Variants in CCND2 observed in about 807,000 individuals in gnomAD.
CCND2 encodes the protein cyclin D2.
Under a neutral mutation model 30.2 loss-of-function variants are expected in CCND2, and 6 were observed. The observed-to-expected ratio is 0.20, with a 90% CI of 0.11 to 0.39. CCND2 has a LOEUF of 0.39. Among genes scored for constraint, CCND2 ranks in the 10% least tolerant of loss-of-function variants. The pLI is 1.00. For missense variants in CCND2, 235 were observed against 373.4 expected, an observed-to-expected ratio of 0.63 and a Z score of 3.06; for synonymous variants, 150 against 153.1, an observed-to-expected ratio of 0.98 and a Z score of 0.15.
At chr12:4,279,548 A>G (rs373965197) in intron 3 of CCND2, among the ~76,000 whole-genome samples, 55 of 152,102 alleles carry the variant, frequency 3.6e-4, no homozygotes, top group African/African-American at 1.3e-3. Context: ...GTTCATGTGG[A>G]GGTGTTTTGA....
intron 4 of CCND2, among the ~76,000 whole-genome samples, chr12:4,289,831 G>A (rs1373548604): frequency 6.6e-6 from 1 of 152,180 alleles, no homozygotes; most frequent in Non-Finnish European, 1.5e-5. Context: ...GGAGCGGGGT[G>A]GGCAGTGGCT....
At chr12:4,296,968 T>C (rs1192525768) in intron 4 of CCND2, among the ~76,000 whole-genome samples, 2 of 152,184 alleles carry the variant, frequency 1.3e-5, no homozygotes, top group Admixed American at 6.5e-5. Context: ...CTCCTGCCCA[T>C]GTACCGTGGA....
intron 3 of CCND2, among the ~76,000 whole-genome samples, chr12:4,280,265 TC>T (rs1255835835): frequency 7.2e-5 from 11 of 152,286 alleles, no homozygotes; most frequent in African/African-American, 2.7e-4. Flanking sequence ...TTTTAACTGT[TC>T]CGACTAAAGT....
rs371529512 is a variant in CCND2 at position 4,278,939 on chromosome 12, G to C, written c.571+20G>C. The C allele has an allele frequency of 6.3e-7, 1 of 1,593,816 alleles. No individual in the cohort carries two copies. The highest frequency in any genetic ancestry group is 8.6e-7 in the Non-Finnish European group (1 of 1,165,822). Reference sequence around the variant, plus strand: ...CCACCGGTAAGATGAGGCTTGAGCCGGGGAGGGAGATGGGGGAGCTCTTTT... The same window carrying C: ...CCACCGGTAAGATGAGGCTTGAGCCCGGGAGGGAGATGGGGGAGCTCTTTT... On this transcript the variant is annotated intron_variant, in intron 3 of 4. Coordinates refer to ENST00000261254, the MANE Select transcript of CCND2 (RefSeq NM_001759.4).
In CCND2 at chr12:4,276,124, C is replaced by T. The variant is rs771743347; in HGVS notation, c.315C>T (p.Cys105=). The change falls in exon 2 of 5, where the codon TGC becomes TGT. Residue 105 remains cysteine, a synonymous_variant. Transcript: ENST00000261254. This position sits in a 1 kb window ranked among gnomAD's most constrained non-coding sequence, Gnocchi z 4.8. ...ATCTGCAACTCCTGGGTGCTGTCTGCATGTTCCTGGCCTCCAAACTCAAAG... is the reference window on the plus strand; with the variant it reads ...ATCTGCAACTCCTGGGTGCTGTCTGTATGTTCCTGGCCTCCAAACTCAAAG... The part of the protein sequence containing the change: ...KSHLQLLGAV[C]MFLASKLKET... 6 of 1,614,068 alleles carry T rather than the reference C, an allele frequency of 3.7e-6. No individual in the cohort carries two copies. The African/African-American group carries it at 6.7e-5, about 18-fold the overall frequency.
At position 4,273,791 on chromosome 12, in the gene CCND2, G is replaced by A. The variant is rs956074804; in HGVS notation, c.-250G>A. ...CGGAGAAGAGCGAGCAGGGGAGAGCGAGACCAGTTTTAAGGGGAGGACCGG... is the reference window on the plus strand; with the variant it reads ...CGGAGAAGAGCGAGCAGGGGAGAGCAAGACCAGTTTTAAGGGGAGGACCGG... On this transcript the variant is annotated 5_prime_UTR_variant, in exon 1 of 5. Transcript: ENST00000261254. The surrounding 1 kb of genome is among the most constrained non-coding windows in gnomAD (Gnocchi z 5.9). 3.0e-5 allele frequency: 17 copies of A among 560,284 alleles called. 1 individual carries two copies. The Middle Eastern group carries it at 1.4e-3, about 47-fold the overall frequency. 34.7% of individuals were successfully genotyped at this position (560,284 alleles called of 1,614,324 possible). A position where few individuals can be genotyped will look rare whatever the true frequency, so the allele number is the denominator to read the frequency against.
At chr12:4,275,659 C>T (rs1041587653) in intron 1 of CCND2, among the ~76,000 whole-genome samples, 36 of 151,532 alleles carry the variant, frequency 2.4e-4, no homozygotes, top group African/African-American at 8.5e-4. Context: ...TGACGAAATC[C>T]AAAAAAGAGT....
Position 4,276,905 on chromosome 12 carries a change from G to C in CCND2, c.411+685G>C. On this transcript the variant is annotated intron_variant, in intron 2 of 4. Coordinates refer to ENST00000261254, the MANE Select transcript of CCND2 (RefSeq NM_001759.4). The surrounding 1 kb of genome is among the most constrained non-coding windows in gnomAD (Gnocchi z 4.8). ...TTCCCTGCAGCTTGACATATAAGAC[G>C]ACCATATTGCAGCTGTACCGCATGG... Among the ~76,000 whole-genome samples the C allele has an allele frequency of 6.6e-6, 1 of 152,248 alleles. No individual in the cohort carries two copies.
At chr12:4,277,480 G>C (rs1863890462) in intron 2 of CCND2, among the ~76,000 whole-genome samples, 1 of 152,240 alleles carries the variant, frequency 6.6e-6, no homozygotes, top group Admixed American at 6.5e-5. Context: ...TTTTTCTCAT[G>C]AGAGAGCAGG....
chr12:4,281,057 C>T (rs1863941468), intron 3 of CCND2, among the ~76,000 whole-genome samples: 1 of 152,154 alleles, frequency 6.6e-6, no homozygotes. Context: ...GATACAGAGG[C>T]AGTTATAAAG....
intron 4 of CCND2, among the ~76,000 whole-genome samples, chr12:4,291,630 T>TAAA (rs1321348030): frequency 5.9e-5 from 9 of 151,964 alleles, no homozygotes; most frequent in Non-Finnish European, 1.3e-4. Context: ...CTAAATGCAG[T>TAAA]AGGAAATCAA....
In CCND2 at chr12:4,304,944, C is replaced by CCT. The variant is rs1555089716; in HGVS notation, c.*4943_*4944dup. ...ATGTACCTCAGATCTCTCTCTCTCT[C>CCT]CTCTCTCTCAGTTATGTAGTTTCTT... On this transcript the variant is annotated 3_prime_UTR_variant, in exon 5 of 5. Coordinates refer to ENST00000261254, the MANE Select transcript of CCND2 (RefSeq NM_001759.4). This position sits in a 1 kb window ranked among gnomAD's most constrained non-coding sequence, Gnocchi z 6.2. The CCT allele has an allele frequency of 8.6e-6, 2 of 233,008 alleles. No homozygotes were observed. Among genetic ancestry groups the CCT allele is most frequent in the Non-Finnish European group, 1.7e-5 (2 of 117,918 alleles). The allele number at this position is 233,008 out of a possible 1,614,324, so 14.4% of individuals were successfully genotyped here. A position where few individuals can be genotyped will look rare whatever the true frequency, so the allele number is the denominator to read the frequency against.
chr12:4,296,095 G>A (rs925781981), intron 4 of CCND2, among the ~76,000 whole-genome samples: 1 of 152,176 alleles, frequency 6.6e-6, no homozygotes, highest in African/African-American at 2.4e-5. Context: ...GAAAAAGTGG[G>A]GACACTGGGA....
Position 4,275,989 on chromosome 12 carries a change from C to CAAAA in CCND2, c.196-16_196-15insAAAA. 4 of 1,351,310 alleles carry CAAAA rather than the reference C, an allele frequency of 3.0e-6. No homozygotes were observed. Among genetic ancestry groups the CAAAA allele is most frequent in the Non-Finnish European group, 4.1e-6 (4 of 984,534 alleles). 83.7% of individuals were successfully genotyped at this position (1,351,310 alleles called of 1,614,324 possible). A position where few individuals can be genotyped will look rare whatever the true frequency, so the allele number is the denominator to read the frequency against. ...CTCCACCCCCGCCCCCCAACCCTTT[C>CAAAA]CCACTCCCATTATAGGTCTGTGAGG... On this transcript the variant is annotated splice_polypyrimidine_tract_variant and intron_variant, in intron 1 of 4. Coordinates refer to ENST00000261254, the MANE Select transcript of CCND2 (RefSeq NM_001759.4).
chr12:4,283,350 TCTC>T (rs1863978492), intron 3 of CCND2, among the ~76,000 whole-genome samples: 1 of 152,126 alleles, frequency 6.6e-6, no homozygotes, highest in Non-Finnish European at 1.5e-5. Flanking sequence ...TTGGGGCTCT[TCTC>T]CCACTTCCGA....
rs191621202 is a variant in CCND2 at position 4,303,953 on chromosome 12, G to A, written c.*3944G>A. The A allele has an allele frequency of 2.0e-4, 47 of 233,322 alleles. No homozygotes were observed. The East Asian group carries it at 2.7e-3, about 13-fold the overall frequency. The allele number at this position is 233,322 out of a possible 1,614,324, so 14.5% of individuals were successfully genotyped here. A position where few individuals can be genotyped will look rare whatever the true frequency, so the allele number is the denominator to read the frequency against. On this transcript the variant is annotated 3_prime_UTR_variant, in exon 5 of 5. Coordinates refer to ENST00000261254, the MANE Select transcript of CCND2 (RefSeq NM_001759.4). The surrounding 1 kb of genome is among the most constrained non-coding windows in gnomAD (Gnocchi z 4.6). ...GAGAAGACAACCCTGACAGCATCAC[G>A]CTGCATCCCATTGCTAGCAGGATTG...
At chr12:4,289,146 C>G (rs998429741) in intron 4 of CCND2, 156 bp downstream of exon 4, 3 of 527,692 alleles carry the variant, frequency 5.7e-6, no homozygotes, top group Admixed American at 8.5e-5. Flanking sequence ...GGTGACACCC[C>G]CTCTTAAGGT....
At chr12:4,284,087 C>T (rs546251074) in intron 3 of CCND2, among the ~76,000 whole-genome samples, 11 of 152,258 alleles carry the variant, frequency 7.2e-5, no homozygotes, top group South Asian at 2.1e-4. Context: ...TCCCTCCAGA[C>T]GCTGGAGAGC....
At chr12:4,296,856 C>G (rs1864176717) in intron 4 of CCND2, among the ~76,000 whole-genome samples, 1 of 152,130 alleles carries the variant, frequency 6.6e-6, no homozygotes, top group African/African-American at 2.4e-5. Flanking sequence ...AAGAAAATAT[C>G]AATTTAGACT....
Sources: allele counts gnomAD v4.1 joint callset (sites outside exome capture counted in the v4.1 genomes callset), GRCh38; gene constraint gnomAD v4.1.1; non-coding constraint Gnocchi (gnomAD v3.1); transcripts MANE v1.5; gene names NCBI Gene and HGNC (gene_info 2026-07-23, HGNC 2026-07-21).